UBE4B: variants seen among roughly 807,000 people sequenced by gnomAD.
The protein encoded by UBE4B is ubiquitin conjugation factor E4 B.
UBE4B carries 27 observed loss-of-function variants against 148.1 expected under a neutral mutation model. The ratio of observed to expected loss-of-function variants is 0.18; its 90% CI spans 0.13 to 0.25. The LOEUF is 0.25. UBE4B is among the 10% of genes least tolerant of loss of function. UBE4B has a pLI of 1.00. For missense variants in UBE4B, 1,170 were observed against 1,662.4 expected (o/e 0.70, Z 5.15); for synonymous variants, 596 against 619.3 (o/e 0.96, Z 0.56).
chr1:10,168,114 G>A lies in UBE4B; in HGVS notation c.3199-22G>A, dbSNP rs759738100. On this transcript the variant is annotated intron_variant, in intron 23 of 27. Transcript: ENST00000343090. This position sits in a 1 kb window ranked among gnomAD's most constrained non-coding sequence, Gnocchi z 4.9. ...GATGACCAGGACCGAGCCTTACTCA[G>A]CGTCTGTTCGATGTGTCCTAGGATC... 1.2e-6 allele frequency: 2 copies of A among 1,607,908 alleles called. No individual in the cohort carries two copies. Among genetic ancestry groups the A allele is most frequent in the South Asian group, 2.2e-5 (2 of 90,814 alleles).
Position 10,084,963 on chromosome 1 carries a change from CAG to C in UBE4B, c.212-10495_212-10494del. 3.3e-5 allele frequency among the ~76,000 whole-genome samples: 5 copies of C among 152,170 alleles called. No homozygotes were observed. In the Middle Eastern group the frequency reaches 0.017, roughly 521 times the overall value. ...TAGCGATCCCCCTGCCTCAGCCTCC[CAG>C]AGTGTTAGGATTACAGGCATGAGCC... On this transcript the variant is annotated intron_variant, in intron 2 of 27. Coordinates refer to ENST00000343090, the MANE Select transcript of UBE4B (RefSeq NM_001105562.3).
At chr1:10,153,014 G>C (rs1646002713) in intron 21 of UBE4B, among the ~76,000 whole-genome samples, 2 of 151,820 alleles carry the variant, frequency 1.3e-5, no homozygotes, top group African/African-American at 4.8e-5. Flanking sequence ...ACGGTTGCTA[G>C]CTCTGGGGGT....
intron 2 of UBE4B, among the ~76,000 whole-genome samples, chr1:10,085,793 C>CT (rs537849739): frequency 6.7e-5 from 10 of 148,884 alleles, no homozygotes; most frequent in Admixed American, 3.4e-4. Flanking sequence ...TATTCAGTGA[C>CT]TTTTTTTTTT....
intron 1 of UBE4B, among the ~76,000 whole-genome samples, chr1:10,055,029 A>C (rs1178129633): frequency 2.4e-4 from 37 of 152,046 alleles, no homozygotes; most frequent in Admixed American, 2.3e-3. Flanking sequence ...CAGGGGATCC[A>C]CCTGCCTCGG....
chr1:10,072,505 C>T lies in UBE4B; in HGVS notation c.211+291C>T, dbSNP rs763723587. ...ATGATTAAGACTGAATTTGGTTCTGCTGATTTTATGAATTTGGTTGATGGT... is the reference window on the plus strand; with the variant it reads ...ATGATTAAGACTGAATTTGGTTCTGTTGATTTTATGAATTTGGTTGATGGT... On this transcript the variant is annotated intron_variant, in intron 2 of 27. Transcript: ENST00000343090. 82 of 711,360 alleles carry T rather than the reference C, an allele frequency of 1.2e-4. No individual in the cohort carries two copies. The African/African-American group carries it at 1.3e-3, about 11-fold the overall frequency. The allele number at this position is 711,360 out of a possible 1,614,324, so 44.1% of individuals were successfully genotyped here.
chr1:10,064,297 A>G (rs979992051), intron 1 of UBE4B, among the ~76,000 whole-genome samples: 3 of 152,242 alleles, frequency 2.0e-5, no homozygotes, highest in East Asian at 1.9e-4. Context: ...ATGAATATAC[A>G]GTTAGTGTAA....
At chr1:10,154,013 C>T (rs1394074053) in intron 21 of UBE4B, among the ~76,000 whole-genome samples, 1 of 152,082 alleles carries the variant, frequency 6.6e-6, no homozygotes, top group Non-Finnish European at 1.5e-5. Context: ...ACCCGCGAGG[C>T]AGAGGTTACG....
chr1:10,117,598 A>G lies in UBE4B; in HGVS notation c.1336A>G (p.Lys446Glu), dbSNP rs983877167. ...TGGAATAGAGGAAAAAAAAGCACCAAAGGTAATATGAAATGGATTAACTTA... is the reference window on the plus strand; with the variant it reads ...TGGAATAGAGGAAAAAAAAGCACCAGAGGTAATATGAAATGGATTAACTTA... Reference protein sequence around the residue: ...RVGIEEKKAPKMCSQPAVSQL... With the variant: ...RVGIEEKKAPEMCSQPAVSQL... Residue 446 changes from lysine (K) to glutamate (E), a missense_variant and splice_region_variant, in exon 8 of 28, where the codon AAG becomes GAG. Coordinates refer to ENST00000343090, the MANE Select transcript of UBE4B (RefSeq NM_001105562.3). 16 of 1,578,542 alleles carry G rather than the reference A, an allele frequency of 1.0e-5. No homozygotes were observed. In the East Asian group the frequency reaches 3.4e-4, roughly 33 times the overall value.
intron 10 of UBE4B, among the ~76,000 whole-genome samples, chr1:10,124,473 C>T (rs1050654526): frequency 6.6e-6 from 1 of 152,202 alleles, no homozygotes; most frequent in Non-Finnish European, 1.5e-5. Flanking sequence ...CAAGTGTGAA[C>T]CACAGCGCCT....
chr1:10,137,921 C>CTTTTTTTTTTTTTTTT lies in UBE4B; in HGVS notation c.2363+732_2363+747dup, dbSNP rs70998351. On this transcript the variant is annotated intron_variant, in intron 17 of 27. Transcript: ENST00000343090. ...ACCTTGCTTAAATCACTTACTAATT[C>CTTTTTTTTTTTTTTTT]TTTTTTTTTTTTTTTTTTTTTTTTT... Among the ~76,000 whole-genome samples the CTTTTTTTTTTTTTTTT allele has an allele frequency of 6.0e-5, 4 of 66,982 alleles. 1 individual carries two copies. Among genetic ancestry groups the CTTTTTTTTTTTTTTTT allele is most frequent in the Admixed American group, 2.6e-4 (1 of 3,776 alleles). 43.9% of individuals were successfully genotyped at this position (66,982 alleles called of 152,430 possible).
intron 23 of UBE4B, among the ~76,000 whole-genome samples, chr1:10,162,597 C>T (rs1329607958): frequency 6.6e-5 from 10 of 150,626 alleles, no homozygotes; most frequent in Admixed American, 2.0e-4. Flanking sequence ...CGTGAGTCAC[C>T]GCGCCCAGAC....
intron 2 of UBE4B, among the ~76,000 whole-genome samples, chr1:10,079,545 T>C (rs993158242): frequency 6.6e-6 from 1 of 152,392 alleles, no homozygotes; most frequent in Non-Finnish European, 1.5e-5. Flanking sequence ...TTAAAGATTG[T>C]AATACAGTTA....
intron 23 of UBE4B, among the ~76,000 whole-genome samples, chr1:10,165,635 C>T (rs1298526398): frequency 6.6e-6 from 1 of 152,136 alleles, no homozygotes; most frequent in Non-Finnish European, 1.5e-5. Flanking sequence ...TCTACCCCAG[C>T]CAGACTCACC....
At chr1:10,086,206 C>T (rs566183585) in intron 2 of UBE4B, among the ~76,000 whole-genome samples, 6 of 152,178 alleles carry the variant, frequency 3.9e-5, no homozygotes, top group South Asian at 2.1e-4. Context: ...CTCCTGACCT[C>T]GTGATCTATC....
chr1:10,043,794 A>G (rs1162699674), intron 1 of UBE4B, among the ~76,000 whole-genome samples: 1 of 152,126 alleles, frequency 6.6e-6, no homozygotes, highest in Non-Finnish European at 1.5e-5. Flanking sequence ...CATAGTTGTC[A>G]TTTCCTGTTT....
At chr1:10,124,097 A>G (rs777130960) in intron 10 of UBE4B, among the ~76,000 whole-genome samples, 4 of 152,056 alleles carry the variant, frequency 2.6e-5, no homozygotes, top group Admixed American at 6.6e-5. Flanking sequence ...TTTGAAGTGT[A>G]CAATTCAGTG....
chr1:10,158,531 G>C, intron 22 of UBE4B, 49 bp downstream of exon 22: 2 of 1,598,456 alleles, frequency 1.3e-6, no homozygotes, highest in Non-Finnish European at 1.7e-6. Flanking sequence ...GCAAATCGCA[G>C]GTAGGATTGC....
At position 10,119,611 on chromosome 1, in the gene UBE4B, C is replaced by G; in HGVS notation, c.1437C>G (p.Pro479=). Residue 479 remains proline (P), a splice_region_variant and synonymous_variant, in exon 9 of 28, where the codon CCC becomes CCG. Coordinates refer to ENST00000343090, the MANE Select transcript of UBE4B (RefSeq NM_001105562.3). ...TACTACAAGGCTCCCTAACACAGCC[C>G]AGGTATGAAGACCCGTGACGTGCTT... ...ALVLQGSLTQ[P]RSLQQPSFLV... 1.9e-6 allele frequency: 3 copies of G among 1,612,488 alleles called. No homozygotes were observed. Among genetic ancestry groups the G allele is most frequent in the Non-Finnish European group, 2.5e-6 (3 of 1,178,908 alleles).
intron 7 of UBE4B, among the ~76,000 whole-genome samples, chr1:10,114,433 G>A (rs1645273298): frequency 6.6e-6 from 1 of 152,092 alleles, no homozygotes; most frequent in Non-Finnish European, 1.5e-5. Context: ...ATTGGTTGAT[G>A]GCTTTTTCTG....
Sources: allele counts gnomAD v4.1 joint callset (sites outside exome capture counted in the v4.1 genomes callset), GRCh38; gene constraint gnomAD v4.1.1; non-coding constraint Gnocchi (gnomAD v3.1); transcripts MANE v1.5; gene names NCBI Gene and HGNC (gene_info 2026-07-23, HGNC 2026-07-21).